The following NECAB1 variants were observed in gnomAD, a reference collection of about 807,000 sequenced individuals.
NECAB1 encodes the protein N-terminal EF-hand calcium-binding protein 1.
NECAB1 carries 29 observed loss-of-function variants against 57.5 expected under a neutral mutation model. That is an observed-to-expected ratio of 0.50 (90% CI 0.38 to 0.69). The LOEUF (loss-of-function observed/expected upper bound fraction) is 0.69, where lower values mean the gene tolerates loss of function less well. Ranked by LOEUF, NECAB1 falls within the 30% of genes least tolerant of loss-of-function variation. The pLI is 0.00. For synonymous variants in NECAB1, 142 were observed against 147.7 expected (o/e 0.96, Z 0.28); for missense variants, 372 against 413.8 (o/e 0.90, Z 0.88).
At chr8:90,924,349 G>A (rs889208407) in intron 6 of NECAB1, among the ~76,000 whole-genome samples, 1 of 152,060 alleles carries the variant, frequency 6.6e-6, no homozygotes, top group African/African-American at 2.4e-5. Context: ...CAAAACAAAG[G>A]AGTCAGGTAA....
At chr8:90,910,593 C>T (rs1380503659) in intron 5 of NECAB1, among the ~76,000 whole-genome samples, 7 of 152,140 alleles carry the variant, frequency 4.6e-5, no homozygotes, top group African/African-American at 1.4e-4. Flanking sequence ...GACCATCCCT[C>T]TCAATTTTGA....
chr8:90,941,555 T>C (rs1810671042), intron 10 of NECAB1, among the ~76,000 whole-genome samples: 1 of 152,210 alleles, frequency 6.6e-6, no homozygotes, highest in African/African-American at 2.4e-5. Flanking sequence ...ACAGTTATCA[T>C]AGAATTCCCT....
chr8:90,926,520 GC>G (rs1389457917), intron 7 of NECAB1, among the ~76,000 whole-genome samples: 1 of 152,134 alleles, frequency 6.6e-6, no homozygotes, highest in Non-Finnish European at 1.5e-5. Context: ...TTATTGTGAA[GC>G]GACCTTAAAA....
chr8:90,863,408 CTAAAG>C (rs1226773201), intron 3 of NECAB1, among the ~76,000 whole-genome samples: 3 of 152,224 alleles, frequency 2.0e-5, no homozygotes, highest in Non-Finnish European at 2.9e-5. Flanking sequence ...TTCCTATTCT[CTAAAG>C]TAACATTCTT....
At chr8:90,850,263 G>A (rs148561904) in intron 3 of NECAB1, among the ~76,000 whole-genome samples, 59 of 152,246 alleles carry the variant, frequency 3.9e-4, no homozygotes, top group Admixed American at 1.2e-3. Flanking sequence ...GATTTAACAC[G>A]ACTGATGAAG....
intron 3 of NECAB1, among the ~76,000 whole-genome samples, chr8:90,870,469 A>C (rs1808602486): frequency 6.6e-6 from 1 of 152,008 alleles, no homozygotes; most frequent in South Asian, 2.1e-4. Flanking sequence ...TAAAAAAACT[A>C]CTCGGTTTTC....
chr8:90,824,779 G>A lies in NECAB1; in HGVS notation c.187G>A (p.Glu63Lys). 1.3e-6 allele frequency: 2 copies of A among 1,553,208 alleles called. No individual in the cohort carries two copies. The highest frequency in any genetic ancestry group is 1.7e-6 in the Non-Finnish European group (2 of 1,146,638). The stretch of plus-strand genomic sequence containing the variant: ...TTTTGCAGATGGTGTTCTCAGTGGA[G>A]AAGAATTACACGAGCTTTTCCATAC... ...AYFADGVLSG[E>K]ELHELFHTID... is the part of the protein sequence containing the mutation. Residue 63 changes from glutamate (E) to lysine (K), a missense_variant, in exon 3 of 13, where the codon GAA (glutamate) becomes AAA (lysine). Physicochemically the swap from Glu to Lys is moderately conservative, Grantham distance 56. Coordinates refer to ENST00000417640, the MANE Select transcript of NECAB1 (RefSeq NM_022351.5).
intron 3 of NECAB1, among the ~76,000 whole-genome samples, chr8:90,861,360 G>A (rs1812898024): frequency 6.6e-6 from 1 of 152,118 alleles, no homozygotes; most frequent in South Asian, 2.1e-4. Flanking sequence ...TTTCAAAGAA[G>A]CATGCATGGA....
At chr8:90,909,105 C>G (rs1346795199) in intron 5 of NECAB1, among the ~76,000 whole-genome samples, 2 of 152,050 alleles carry the variant, frequency 1.3e-5, no homozygotes, top group Non-Finnish European at 2.9e-5. Flanking sequence ...TCAGCTAAAT[C>G]CAGAGGCTAA....
chr8:90,840,939 G>A (rs1216513317), intron 3 of NECAB1, among the ~76,000 whole-genome samples: 1 of 125,752 alleles, frequency 8.0e-6, no homozygotes, highest in Non-Finnish European at 1.6e-5. Flanking sequence ...AATGGTAGTG[G>A]TAAATCTATT....
At chr8:90,808,640 C>CTTTTTTTTTTTTTTTTTTT (rs200075536) in intron 2 of NECAB1, among the ~76,000 whole-genome samples, 9 of 81,278 alleles carry the variant, frequency 1.1e-4, no homozygotes, top group African/African-American at 2.6e-4. Flanking sequence ...TTTTTCTTTT[C>CTTTTTTTTTTTTTTTTTTT]TTTTTTTTTT....
At chr8:90,954,810 A>G (rs1810989748) in intron 12 of NECAB1, among the ~76,000 whole-genome samples, 1 of 149,104 alleles carries the variant, frequency 6.7e-6, no homozygotes, top group African/African-American at 2.4e-5. Flanking sequence ...ACATGTATTT[A>G]TATGTATATT....
chr8:90,807,504 C>T (rs1811869979), intron 2 of NECAB1, among the ~76,000 whole-genome samples: 2 of 152,124 alleles, frequency 1.3e-5, no homozygotes, highest in Non-Finnish European at 2.9e-5. Context: ...CTGTCTTTCG[C>T]ACTTGGGAAT....
At chr8:90,882,240 G>A (rs916417551) in intron 5 of NECAB1, among the ~76,000 whole-genome samples, 1 of 152,130 alleles carries the variant, frequency 6.6e-6, no homozygotes, top group African/African-American at 2.4e-5. Context: ...GAGTGAGTAG[G>A]CTAGTTCATT....
chr8:90,876,821 C>T (rs560049350), intron 4 of NECAB1, among the ~76,000 whole-genome samples: 13 of 152,284 alleles, frequency 8.5e-5, no homozygotes, highest in Admixed American at 7.2e-4. Flanking sequence ...TTCAATGATA[C>T]TTCATTTAAA....
chr8:90,930,401 T>C (rs1810377569), intron 8 of NECAB1, among the ~76,000 whole-genome samples: 1 of 152,158 alleles, frequency 6.6e-6, no homozygotes, highest in African/African-American at 2.4e-5. Context: ...AGAGAATTTG[T>C]GAGGTAAGGT....
chr8:90,934,335 T>A lies in NECAB1; in HGVS notation c.725T>A (p.Ile242Asn). 6.6e-7 allele frequency: 1 copy of A among 1,516,796 alleles called. No individual in the cohort carries two copies. Among genetic ancestry groups the A allele is most frequent in the Non-Finnish European group, 8.8e-7 (1 of 1,132,372 alleles). The allele number at this position is 1,516,796 out of a possible 1,614,324, so 94.0% of individuals were successfully genotyped here. Residue 242 changes from isoleucine (I) to asparagine (N), a missense_variant, in exon 9 of 13, where the codon ATT becomes AAT. Coordinates refer to ENST00000417640, the MANE Select transcript of NECAB1 (RefSeq NM_022351.5). The stretch of plus-strand genomic sequence containing the variant: ...AAACTCGAACCACCAGAAGAAGAAA[T>A]TATTGAAGGGAATACTAAATCTGTA... Reference protein sequence around the residue: ...DLKLEPPEEEIIEGNTKSHIM... With the variant: ...DLKLEPPEEENIEGNTKSHIM...
chr8:90,887,906 TA>T (rs955552349), intron 5 of NECAB1, among the ~76,000 whole-genome samples: 14 of 152,146 alleles, frequency 9.2e-5, no homozygotes, highest in Admixed American at 7.2e-4. Context: ...CAAGGGGACT[TA>T]AAAAAAATTC....
At chr8:90,914,872 C>T (rs977988944) in intron 5 of NECAB1, among the ~76,000 whole-genome samples, 1 of 152,172 alleles carries the variant, frequency 6.6e-6, no homozygotes, top group Non-Finnish European at 1.5e-5. Flanking sequence ...ACCTCTACTC[C>T]ACCATAAGGG....
Sources: allele counts gnomAD v4.1 joint callset (sites outside exome capture counted in the v4.1 genomes callset), GRCh38; gene constraint gnomAD v4.1.1; transcripts MANE v1.5; gene names NCBI Gene and HGNC (gene_info 2026-07-23, HGNC 2026-07-21).